The following PDE4D variants were observed in gnomAD, a reference collection of about 807,000 sequenced individuals.
The protein encoded by PDE4D is 3',5'-cyclic-AMP phosphodiesterase 4D.
A neutral mutation model predicts 87.4 loss-of-function variants in PDE4D; 24 were observed. That is an observed-to-expected ratio of 0.27 (90% CI 0.20 to 0.39). The LOEUF (loss-of-function observed/expected upper bound fraction) is 0.39, where lower values mean the gene tolerates loss of function less well. PDE4D is among the 10% of genes least tolerant of loss of function. PDE4D has a pLI of 1.00. For missense variants in PDE4D, 714 were observed against 1,041.0 expected (o/e 0.69, Z 4.32); for synonymous variants, 384 against 383.2 (o/e 1.00, Z -0.02).
intron 1 of PDE4D, among the ~76,000 whole-genome samples, chr5:59,867,831 A>G (rs1408446913): frequency 6.6e-6 from 1 of 152,198 alleles, no homozygotes; most frequent in Non-Finnish European, 1.5e-5. Flanking sequence ...AGGAAGCAGA[A>G]TATGATATAT....
chr5:60,041,919 TC>T (rs1385419472), intron 2 of PDE4D, among the ~76,000 whole-genome samples: 1 of 151,494 alleles, frequency 6.6e-6, no homozygotes, highest in Admixed American at 6.6e-5. Flanking sequence ...TTTTTTTTTT[TC>T]ATACCACAGT....
Position 59,458,446 on chromosome 5 carries a change from T to C in PDE4D, c.456-242478A>G, listed in dbSNP as rs552061384. ...AGTCTATGAATTAATTAAGAGATAC[T>C]GAAGGATTTTGAACTGCAGAGGACA... On this transcript the variant is annotated intron_variant, in intron 1 of 14. Transcript: ENST00000340635. Among the ~76,000 whole-genome samples, 4 of 152,332 alleles carry C rather than the reference T, an allele frequency of 2.6e-5. No homozygotes were observed. The East Asian group carries it at 5.8e-4, about 22-fold the overall frequency.
At chr5:59,666,603 G>A (rs1260324351) in intron 1 of PDE4D, among the ~76,000 whole-genome samples, 1 of 152,196 alleles carries the variant, frequency 6.6e-6, no homozygotes, top group East Asian at 1.9e-4. Context: ...ACTGCATTTG[G>A]ATGCTGTTGC....
At chr5:59,903,562 T>G (rs1250872904) in intron 3 of PDE4D, among the ~76,000 whole-genome samples, 1 of 152,164 alleles carries the variant, frequency 6.6e-6, no homozygotes, top group African/African-American at 2.4e-5. Context: ...GAAAAAAAAC[T>G]GCAATTACTT....
intron 1 of PDE4D, among the ~76,000 whole-genome samples, chr5:60,368,953 T>C (rs1760785307): frequency 6.6e-6 from 1 of 152,204 alleles, no homozygotes; most frequent in Non-Finnish European, 1.5e-5. Context: ...GGTATGTCTT[T>C]ATAGCAGTGT....
At chr5:60,423,136 C>G (rs1028747963) in intron 1 of PDE4D, among the ~76,000 whole-genome samples, 1 of 152,036 alleles carries the variant, frequency 6.6e-6, no homozygotes, top group Non-Finnish European at 1.5e-5. Context: ...ACCGATCAAC[C>G]AGAGAGAAGG....
At chr5:59,751,100 T>C (rs966605770) in intron 1 of PDE4D, among the ~76,000 whole-genome samples, 2 of 152,176 alleles carry the variant, frequency 1.3e-5, no homozygotes, top group African/African-American at 4.8e-5. Flanking sequence ...CACTCCTGAC[T>C]CTCACCTTGG....
At chr5:59,700,171 T>G (rs1353904716) in intron 1 of PDE4D, among the ~76,000 whole-genome samples, 2 of 152,196 alleles carry the variant, frequency 1.3e-5, no homozygotes, top group Non-Finnish European at 2.9e-5. Flanking sequence ...CATTCAGAAC[T>G]GCAGGGCTGT....
At chr5:59,521,785 C>A (rs1026767641) in intron 1 of PDE4D, among the ~76,000 whole-genome samples, 1 of 152,132 alleles carries the variant, frequency 6.6e-6, no homozygotes, top group Non-Finnish European at 1.5e-5. Flanking sequence ...TCCTGTAGCA[C>A]CTTCCACCTG....
At position 59,433,204 on chromosome 5, in the gene PDE4D, G is replaced by T. The variant is rs80140012; in HGVS notation, c.456-217236C>A. 8.5e-5 allele frequency among the ~76,000 whole-genome samples: 13 copies of T among 152,158 alleles called. No homozygotes were observed. In the East Asian group the frequency reaches 2.5e-3, roughly 29 times the overall value. ...CTTCACATAAGAATTTCCTAGGAGGGGTAACAATCAGAAATTGAAGAATAA... is the reference window on the plus strand; with the variant it reads ...CTTCACATAAGAATTTCCTAGGAGGTGTAACAATCAGAAATTGAAGAATAA... On this transcript the variant is annotated intron_variant, in intron 1 of 14. Transcript: ENST00000340635.
At chr5:59,558,022 A>G (rs913894007) in intron 1 of PDE4D, among the ~76,000 whole-genome samples, 1 of 152,228 alleles carries the variant, frequency 6.6e-6, no homozygotes, top group Non-Finnish European at 1.5e-5. Flanking sequence ...CTGGTTGTAC[A>G]GGAACCGTAA....
At chr5:59,390,051 C>T (rs542465590) in intron 1 of PDE4D, among the ~76,000 whole-genome samples, 4 of 152,134 alleles carry the variant, frequency 2.6e-5, no homozygotes, top group African/African-American at 9.6e-5. Context: ...ATCTTAAATA[C>T]CCTGATTTGA....
At chr5:59,790,388 G>A (rs1765651966) in intron 1 of PDE4D, among the ~76,000 whole-genome samples, 1 of 152,136 alleles carries the variant, frequency 6.6e-6, no homozygotes, top group Non-Finnish European at 1.5e-5. Flanking sequence ...AATATTTCGG[G>A]CTTCATGTGA....
intron 5 of PDE4D, among the ~76,000 whole-genome samples, chr5:59,175,099 G>T (rs1027090524): frequency 6.6e-6 from 1 of 152,170 alleles, no homozygotes; most frequent in Non-Finnish European, 1.5e-5. Flanking sequence ...AAGCTACATG[G>T]CTGTACTTCA....
Position 59,348,772 on chromosome 5 carries a change from A to G in PDE4D, c.456-132804T>C, listed in dbSNP as rs777826926. 3.7e-4 allele frequency among the ~76,000 whole-genome samples: 57 copies of G among 152,062 alleles called. 1 individual carries two copies. The highest frequency in any genetic ancestry group is 1.8e-4 in the Non-Finnish European group (12 of 67,984). ...TTATCATTTTAGTTTTTCTCTTCCAAATTTACACTATTACCAGCTAATGAA... is the reference window on the plus strand; with the variant it reads ...TTATCATTTTAGTTTTTCTCTTCCAGATTTACACTATTACCAGCTAATGAA... On this transcript the variant is annotated intron_variant, in intron 1 of 14. Coordinates refer to ENST00000340635, the MANE Select transcript of PDE4D (RefSeq NM_001104631.2).
Position 59,339,042 on chromosome 5 carries a change from T to C in PDE4D, c.456-123074A>G, listed in dbSNP as rs573673015. The stretch of plus-strand genomic sequence containing the variant: ...GATAACTTATTTATCTTGTCATTAC[T>C]TTTCCAAATCCCAAGTCCTACAGAA... On this transcript the variant is annotated intron_variant, in intron 1 of 14. Transcript: ENST00000340635. Among the ~76,000 whole-genome samples the C allele has an allele frequency of 3.9e-5, 6 of 152,204 alleles. No homozygotes were observed. The South Asian group carries it at 1.2e-3, about 32-fold the overall frequency.
chr5:59,955,825 A>G (rs917237556), intron 3 of PDE4D, among the ~76,000 whole-genome samples: 8 of 151,904 alleles, frequency 5.3e-5, no homozygotes, highest in African/African-American at 1.9e-4. Context: ...CCTTCTCCAT[A>G]GGGAAATGTA....
intron 1 of PDE4D, among the ~76,000 whole-genome samples, chr5:60,279,567 A>G (rs1242824570): frequency 1.3e-5 from 2 of 152,170 alleles, no homozygotes; most frequent in Non-Finnish European, 2.9e-5. Context: ...GTTATTATCT[A>G]AAAGTTTTGT....
rs191432361 is a variant in PDE4D at position 59,555,673 on chromosome 5, T to G, written c.455+337495A>C. Among the ~76,000 whole-genome samples, 217 of 152,242 alleles carry G rather than the reference T, an allele frequency of 1.4e-3. 1 individual carries two copies. Among genetic ancestry groups the G allele is most frequent in the African/African-American group, 5.0e-3 (206 of 41,550 alleles). ...TGTTGGAAAGCTAAGATTATTGACC[T>G]TCTGTGAACTCTGTATCTAGTTAAC... On this transcript the variant is annotated intron_variant, in intron 1 of 14. Coordinates refer to ENST00000340635, the MANE Select transcript of PDE4D (RefSeq NM_001104631.2).
Sources: gnomAD v4.1 joint callset for allele counts (sites outside exome capture counted in the v4.1 genomes callset) on GRCh38, gnomAD v4.1.1 for gene constraint, MANE v1.5 for transcripts, NCBI Gene and HGNC (gene_info 2026-07-23, HGNC 2026-07-21) for gene names.